Variants in FHL5 observed in about 807,000 individuals in gnomAD.
The protein encoded by FHL5 is four and a half LIM domains protein 5.
Under a neutral mutation model 32.0 loss-of-function variants are expected in FHL5, and 33 were observed. The observed-to-expected ratio is 1.03, with a 90% CI of 0.78 to 1.38. FHL5 has a LOEUF of 1.38. FHL5 is among the 40% of genes most tolerant of loss of function. The pLI is 0.00. For missense variants in FHL5, 336 were observed against 343.9 expected, an observed-to-expected ratio of 0.98 and a Z score of 0.18; for synonymous variants, 114 against 113.6, an observed-to-expected ratio of 1.00 and a Z score of -0.02.
chr6:96,587,089 T>C (rs1770814585), intron 1 of FHL5, among the ~76,000 whole-genome samples: 1 of 152,208 alleles, frequency 6.6e-6, no homozygotes, highest in Non-Finnish European at 1.5e-5. Context: ...GCTCAGGGCA[T>C]TTTGCTTGTT....
intron 1 of FHL5, among the ~76,000 whole-genome samples, chr6:96,592,130 C>T (rs1216703490): frequency 1.3e-5 from 2 of 152,060 alleles, no homozygotes; most frequent in Non-Finnish European, 2.9e-5. Context: ...ACCTGTCTGA[C>T]CAAAATTTAT....
chr6:96,606,122 T>C, intron 4 of FHL5, 51 bp downstream of exon 4: 1 of 1,462,626 alleles, frequency 6.8e-7, no homozygotes, highest in Non-Finnish European at 9.6e-7. Flanking sequence ...TATTTCTTTT[T>C]AGCTGTATCA....
At chr6:96,610,024 A>G (rs2127974823) in intron 4 of FHL5, among the ~76,000 whole-genome samples, 1 of 152,366 alleles carries the variant, frequency 6.6e-6, no homozygotes, top group East Asian at 1.9e-4. Flanking sequence ...AATTCCATTC[A>G]GAATTACTGC....
chr6:96,594,692 A>G (rs1353350049), intron 1 of FHL5, among the ~76,000 whole-genome samples: 2 of 151,894 alleles, frequency 1.3e-5, no homozygotes, highest in Non-Finnish European at 2.9e-5. Flanking sequence ...AATGTATCAT[A>G]TATCTTCTTC....
intron 1 of FHL5, among the ~76,000 whole-genome samples, chr6:96,585,024 G>T (rs959936638): frequency 6.6e-6 from 1 of 152,088 alleles, no homozygotes; most frequent in Non-Finnish European, 1.5e-5. Context: ...GCTCAGTCAG[G>T]CTTCGAAAAT....
intron 1 of FHL5, among the ~76,000 whole-genome samples, chr6:96,578,927 C>G (rs972136389): frequency 6.6e-6 from 1 of 152,084 alleles, no homozygotes; most frequent in Admixed American, 6.5e-5. Flanking sequence ...TGCGAAATTT[C>G]ATTTTGTAGA....
intron 1 of FHL5, among the ~76,000 whole-genome samples, chr6:96,599,423 G>A (rs533976881): frequency 2.0e-5 from 3 of 152,178 alleles, no homozygotes; most frequent in East Asian, 1.9e-4. Flanking sequence ...TCAAACTCAC[G>A]ACGTCAGGTG....
rs1771555032 is a variant in FHL5 at position 96,617,890 on chromosome 6, C to T, written c.*2118C>T. Among the ~76,000 whole-genome samples the T allele has an allele frequency of 6.6e-6, 1 of 152,092 alleles. No individual in the cohort carries two copies. Among genetic ancestry groups the T allele is most frequent in the African/African-American group, 2.4e-5 (1 of 41,402 alleles). ...CCTTTCATAAGTATAAATATATATACTTTTACATATAAATAGTTCTGCATT... is the reference window on the plus strand; with the variant it reads ...CCTTTCATAAGTATAAATATATATATTTTTACATATAAATAGTTCTGCATT... On this transcript the variant is annotated 3_prime_UTR_variant, in exon 6 of 6. Coordinates refer to ENST00000450218, the MANE Select transcript of FHL5 (RefSeq NM_001322466.2).
chr6:96,597,188 T>A (rs1161066313), intron 1 of FHL5, among the ~76,000 whole-genome samples: 1 of 151,692 alleles, frequency 6.6e-6, no homozygotes, highest in Non-Finnish European at 1.5e-5. Flanking sequence ...ACTCTCTCTT[T>A]ATATATATAA....
chr6:96,563,650 T>C (rs1382325038), intron 1 of FHL5, among the ~76,000 whole-genome samples: 3 of 152,166 alleles, frequency 2.0e-5, no homozygotes, highest in African/African-American at 4.8e-5. Context: ...ATGGTCTTAA[T>C]GTGGGGTATA....
chr6:96,584,504 G>C (rs953099378), intron 1 of FHL5, among the ~76,000 whole-genome samples: 6 of 150,984 alleles, frequency 4.0e-5, no homozygotes, highest in African/African-American at 1.5e-4. Flanking sequence ...AGTCTGGGGT[G>C]GGGAAAGGGC....
intron 1 of FHL5, among the ~76,000 whole-genome samples, chr6:96,587,589 A>G (rs937605258): frequency 6.6e-6 from 1 of 152,168 alleles, no homozygotes; most frequent in Non-Finnish European, 1.5e-5. Context: ...GAGTATTCAT[A>G]ACATATACAC....
Position 96,615,691 on chromosome 6 carries a change from C to T in FHL5, c.774C>T (p.Ser258=), listed in dbSNP as rs763141160. 9 of 1,613,110 alleles carry T rather than the reference C, an allele frequency of 5.6e-6. No homozygotes were observed. Among genetic ancestry groups the T allele is most frequent in the South Asian group, 3.3e-5 (3 of 90,826 alleles). Residue 258 remains serine, a synonymous_variant, in exon 6 of 6, where the codon TCC becomes TCT. Transcript: ENST00000450218. ...ECFNCGKCSV[S]LVGKGFLTQN... ...TTAACTGCGGGAAATGCTCTGTCTC[C>T]TTGGTGGGTAAAGGCTTCCTGACCC...
intron 2 of FHL5, among the ~76,000 whole-genome samples, chr6:96,604,192 A>C (rs1771218969): frequency 6.6e-6 from 1 of 152,082 alleles, no homozygotes; most frequent in Non-Finnish European, 1.5e-5. Context: ...ATTTCTTACT[A>C]AACCCTATTG....
chr6:96,576,430 C>T (rs1373704229), intron 1 of FHL5, among the ~76,000 whole-genome samples: 1 of 152,208 alleles, frequency 6.6e-6, no homozygotes, highest in Non-Finnish European at 1.5e-5. Context: ...CACGAACATG[C>T]AGCCAGGTCC....
In FHL5 at chr6:96,573,743, G is replaced by A. The variant is rs182208192; in HGVS notation, c.-13+10388G>A. On this transcript the variant is annotated intron_variant, in intron 1 of 5. Transcript: ENST00000450218. ...TCACCATGTTAGCCAAGTTGGTCTCGATCTCCTGACCTCATGATCCGCCCA... is the reference window on the plus strand; with the variant it reads ...TCACCATGTTAGCCAAGTTGGTCTCAATCTCCTGACCTCATGATCCGCCCA... Among the ~76,000 whole-genome samples the A allele has an allele frequency of 1.5e-3, 234 of 151,524 alleles. 1 individual carries two copies. Among genetic ancestry groups the A allele is most frequent in the Admixed American group, 3.7e-3 (57 of 15,220 alleles).
intron 1 of FHL5, among the ~76,000 whole-genome samples, chr6:96,582,479 A>AGCT (rs1195349818): frequency 3.3e-5 from 5 of 152,178 alleles, no homozygotes; most frequent in African/African-American, 1.2e-4. Flanking sequence ...TTTCAGTAAT[A>AGCT]GCTGCCATAA....
chr6:96,572,121 G>C (rs1770492027), intron 1 of FHL5, among the ~76,000 whole-genome samples: 1 of 152,298 alleles, frequency 6.6e-6, no homozygotes, highest in South Asian at 2.1e-4. Context: ...CTCAGCCAGA[G>C]CACTAATTCC....
intron 1 of FHL5, among the ~76,000 whole-genome samples, chr6:96,602,426 CTTTTTTTTTTTTTTTT>C (rs1168636713): frequency 1.0e-3 from 35 of 33,696 alleles, no homozygotes; most frequent in East Asian, 2.4e-3. Context: ...TGCGTTGTTT[CTTTTTTTTTTTTTTTT>C]TTTTTTTTTT....
Sources: gnomAD v4.1 joint callset for allele counts (sites outside exome capture counted in the v4.1 genomes callset) on GRCh38, gnomAD v4.1.1 for gene constraint, MANE v1.5 for transcripts, NCBI Gene and HGNC (gene_info 2026-07-23, HGNC 2026-07-21) for gene names.